RGS6: variants seen among roughly 807,000 people sequenced by gnomAD.
RGS6 encodes the protein regulator of G-protein signaling 6.
RGS6 carries 30 observed loss-of-function variants against 78.5 expected under a neutral mutation model. That is an observed-to-expected ratio of 0.38 (90% CI 0.29 to 0.52). RGS6 has a LOEUF of 0.52. Ranked by LOEUF, RGS6 falls within the 20% of genes least tolerant of loss-of-function variation. The probability of loss-of-function intolerance (pLI) is 0.85; values close to 1 mark genes in which losing one functional copy is unlikely to be tolerated. For synonymous variants in RGS6, 206 were observed against 206.0 expected, an observed-to-expected ratio of 1.00 and a Z score of 0.00; for missense variants, 495 against 609.7, an observed-to-expected ratio of 0.81 and a Z score of 1.98.
the RGS6 span, among the ~76,000 whole-genome samples, chr14:71,882,901 A>G: frequency 6.6e-6 from 1 of 152,150 alleles, no homozygotes; most frequent in Non-Finnish European, 1.5e-5. Flanking sequence ...ATTGCCTTTC[A>G]TTAGGCCAGA....
intron 17 of RGS6, among the ~76,000 whole-genome samples, chr14:72,560,382 G>A (rs1230739263): frequency 6.6e-6 from 1 of 152,182 alleles, no homozygotes; most frequent in Non-Finnish European, 1.5e-5. Flanking sequence ...ACACAAGGAG[G>A]CCCCTAGGCT....
chr14:72,526,180 T>G (rs2153476199), intron 15 of RGS6, among the ~76,000 whole-genome samples: 1 of 152,112 alleles, frequency 6.6e-6, no homozygotes, highest in South Asian at 2.1e-4. Context: ...CTCGGCTCAC[T>G]GCAAGCTCTG....
chr14:72,543,588 C>A (rs780801564), intron 17 of RGS6, among the ~76,000 whole-genome samples: 3 of 152,206 alleles, frequency 2.0e-5, no homozygotes. Flanking sequence ...AAGTCTCAGG[C>A]ATTACTGACC....
chr14:72,572,614 A>G, the RGS6 span, among the ~76,000 whole-genome samples: 3 of 152,220 alleles, frequency 2.0e-5, no homozygotes, highest in African/African-American at 7.2e-5. Flanking sequence ...TAGAGACAGA[A>G]AGTAGACTAG....
Position 72,200,961 on chromosome 14 carries a change from T to TA in RGS6, c.85-151108dup, listed in dbSNP as rs10577203. On this transcript the variant is annotated intron_variant, in intron 2 of 17. Transcript: ENST00000553525. ...TACTTACTCCTGAATGTGCTCTGCT[T>TA]AAAAAAAAAAAAAAAAAAAAAAAAA... Among the ~76,000 whole-genome samples, 771 of 121,552 alleles carry TA rather than the reference T, an allele frequency of 6.3e-3. 15 individuals are homozygous for TA. The highest frequency in any genetic ancestry group is 0.024 in the African/African-American group (702 of 29,620). 79.7% of individuals were successfully genotyped at this position (121,552 alleles called of 152,430 possible).
At chr14:72,142,324 A>G (rs1230561871) in intron 2 of RGS6, among the ~76,000 whole-genome samples, 1 of 151,820 alleles carries the variant, frequency 6.6e-6, no homozygotes, top group Non-Finnish European at 1.5e-5. Context: ...AAAAAAAAAA[A>G]GAGAGGAGAG....
At chr14:72,046,565 ATCTCCTCTTCTTCCTCCCCTGCTCC>A (rs1272040396) in intron 2 of RGS6, among the ~76,000 whole-genome samples, 73 of 150,316 alleles carry the variant, frequency 4.9e-4, no homozygotes, top group African/African-American at 6.1e-4. Context: ...TCCTCTCCCC[ATCTCCTCTTCTTCCTCCCCTGCTCC>A]TCTCCTCTTC....
intron 2 of RGS6, among the ~76,000 whole-genome samples, chr14:72,177,785 C>T (rs144438101): frequency 1.3e-5 from 2 of 152,224 alleles, no homozygotes; most frequent in African/African-American, 2.4e-5. Flanking sequence ...TTGTAAATGA[C>T]CAATTCTAGT....
At chr14:71,874,595 C>G in the RGS6 span, among the ~76,000 whole-genome samples, 4 of 152,170 alleles carry the variant, frequency 2.6e-5, no homozygotes, top group Non-Finnish European at 5.9e-5. Flanking sequence ...CAAACAGGGA[C>G]AATTTGACTT....
At chr14:72,398,139 C>T (rs1325239371) in intron 3 of RGS6, among the ~76,000 whole-genome samples, 1 of 152,094 alleles carries the variant, frequency 6.6e-6, no homozygotes, top group Non-Finnish European at 1.5e-5. Context: ...CCAGCTCCTC[C>T]TTGTACCTCT....
At chr14:72,583,064 C>T in the RGS6 span, among the ~76,000 whole-genome samples, 2 of 152,178 alleles carry the variant, frequency 1.3e-5, no homozygotes, top group Non-Finnish European at 2.9e-5. Flanking sequence ...AACTGGGACA[C>T]TCTTCTCCTC....
At chr14:72,489,731 A>AAGGCGAGGTGAGACGAGGCG (rs139367861) in intron 12 of RGS6, among the ~76,000 whole-genome samples, 4 of 151,354 alleles carry the variant, frequency 2.6e-5, no homozygotes, top group Admixed American at 6.6e-5. Flanking sequence ...AAGGAGAGGC[A>AAGGCGAGGTGAGACGAGGCG]AGGCGAGGTG....
chr14:72,157,625 G>T (rs747357548), intron 2 of RGS6, among the ~76,000 whole-genome samples: 1 of 152,124 alleles, frequency 6.6e-6, no homozygotes, highest in African/African-American at 2.4e-5. Flanking sequence ...GAAGAAATTC[G>T]AACATTTTCC....
At position 72,355,547 on chromosome 14, in the gene RGS6, G is replaced by A. The variant is rs150545957; in HGVS notation, c.184+3353G>A. 2.0e-5 allele frequency among the ~76,000 whole-genome samples: 3 copies of A among 152,072 alleles called. No homozygotes were observed. In the East Asian group the frequency reaches 5.8e-4, roughly 29 times the overall value. On this transcript the variant is annotated intron_variant, in intron 3 of 17. Coordinates refer to ENST00000553525, the MANE Select transcript of RGS6 (RefSeq NM_001204424.2). ...TTATTGAGTGTTCACTATTTTCTAAGCATTGTTAAGGACTTGAGATTCAGA... is the reference window on the plus strand; with the variant it reads ...TTATTGAGTGTTCACTATTTTCTAAACATTGTTAAGGACTTGAGATTCAGA...
chr14:72,162,676 C>A (rs1039468990), intron 2 of RGS6, among the ~76,000 whole-genome samples: 1 of 151,958 alleles, frequency 6.6e-6, no homozygotes, highest in Non-Finnish European at 1.5e-5. Flanking sequence ...AGTCATTATA[C>A]GAAAAAGATA....
the RGS6 span, among the ~76,000 whole-genome samples, chr14:72,603,750 C>T: frequency 7.2e-5 from 11 of 152,124 alleles, no homozygotes; most frequent in Admixed American, 3.3e-4. Context: ...AGGTGGAGAA[C>T]GAGTATGTAT....
chr14:72,020,314 A>G (rs370657387), intron 2 of RGS6, among the ~76,000 whole-genome samples: 2 of 152,262 alleles, frequency 1.3e-5, no homozygotes, highest in African/African-American at 4.8e-5. Flanking sequence ...TTATAAGTCA[A>G]AAATTTAATC....
intron 2 of RGS6, among the ~76,000 whole-genome samples, chr14:72,038,079 C>T (rs1188147094): frequency 6.6e-6 from 1 of 151,790 alleles, no homozygotes; most frequent in Admixed American, 6.6e-5. Context: ...AAGCTATTCT[C>T]CTGCTTCAGC....
At chr14:72,597,339 G>A in the RGS6 span, among the ~76,000 whole-genome samples, 1 of 152,230 alleles carries the variant, frequency 6.6e-6, no homozygotes, top group East Asian at 1.9e-4. Context: ...GTTTAGCATG[G>A]CATCTGGCTC....
Sources: allele counts gnomAD v4.1 joint callset (sites outside exome capture counted in the v4.1 genomes callset), GRCh38; gene constraint gnomAD v4.1.1; transcripts MANE v1.5; gene names NCBI Gene and HGNC (gene_info 2026-07-23, HGNC 2026-07-21).